LRFN5: variants seen among roughly 807,000 people sequenced by gnomAD.
LRFN5 encodes the protein leucine rich repeat and fibronectin type III domain containing 5.
Under a neutral mutation model 45.6 loss-of-function variants are expected in LRFN5, and 24 were observed. The observed-to-expected ratio is 0.53, with a 90% CI of 0.38 to 0.74. The LOEUF is 0.74. Among genes scored for constraint, LRFN5 ranks in the 30% least tolerant of loss-of-function variants. The probability of loss-of-function intolerance (pLI) is 0.00; values close to 1 mark genes in which losing one functional copy is unlikely to be tolerated. For synonymous variants in LRFN5, 340 were observed against 313.8 expected (o/e 1.08, Z -0.88); for missense variants, 776 against 861.5 (o/e 0.90, Z 1.24).
intron 2 of LRFN5, among the ~76,000 whole-genome samples, chr14:41,793,506 T>C (rs1887009190): frequency 6.6e-6 from 1 of 152,106 alleles, no homozygotes; most frequent in South Asian, 2.1e-4. Context: ...GTAATCTTTG[T>C]TGTCTCTAAT....
At chr14:41,704,091 GT>G (rs937283058) in intron 1 of LRFN5, among the ~76,000 whole-genome samples, 49 of 152,256 alleles carry the variant, frequency 3.2e-4, no homozygotes, top group African/African-American at 1.2e-3. Flanking sequence ...GGACAATAAT[GT>G]TTTTAAAAGA....
intron 2 of LRFN5, among the ~76,000 whole-genome samples, chr14:41,858,939 T>C (rs947740429): frequency 6.6e-6 from 1 of 152,196 alleles, no homozygotes; most frequent in Non-Finnish European, 1.5e-5. Flanking sequence ...AATCCTGCCC[T>C]GGAGTAATGG....
intron 1 of LRFN5, among the ~76,000 whole-genome samples, chr14:41,667,958 A>G (rs1880983913): frequency 1.3e-5 from 2 of 152,146 alleles, no homozygotes; most frequent in Admixed American, 1.3e-4. Context: ...CCTGGTGATG[A>G]AGTTACTATT....
At position 41,752,052 on chromosome 14, in the gene LRFN5, A is replaced by G. The variant is rs187638614; in HGVS notation, c.-196-14802A>G. 1.3e-3 allele frequency among the ~76,000 whole-genome samples: 197 copies of G among 152,156 alleles called. 1 individual carries two copies. The South Asian group carries it at 0.014, about 11-fold the overall frequency. On this transcript the variant is annotated intron_variant, in intron 1 of 5. Coordinates refer to ENST00000298119, the MANE Select transcript of LRFN5 (RefSeq NM_152447.5). ...TCCTTGCGACAGTTTGCTGAAAATG[A>G]TGGTTTCCAGCTTCATCCATGTCCC... is the stretch of plus-strand genomic sequence containing the variant.
chr14:41,652,460 C>G (rs1421840604), intron 1 of LRFN5, among the ~76,000 whole-genome samples: 2 of 151,996 alleles, frequency 1.3e-5, no homozygotes, highest in Non-Finnish European at 2.9e-5. Context: ...GCCTTGCCTT[C>G]AAAGCATTAA....
At chr14:41,894,864 TTC>T (rs1890889566) in intron 4 of LRFN5, 1 of 982,476 alleles carries the variant, frequency 1.0e-6, no homozygotes, top group Non-Finnish European at 1.2e-6. Context: ...TTGTTTTGCT[TTC>T]TGTCATTTAT....
chr14:41,775,342 G>A (rs957763781), intron 2 of LRFN5, among the ~76,000 whole-genome samples: 14 of 151,852 alleles, frequency 9.2e-5, no homozygotes, highest in African/African-American at 2.9e-4. Flanking sequence ...GCCCACCTCC[G>A]CCTTCCAAAG....
intron 2 of LRFN5, among the ~76,000 whole-genome samples, chr14:41,851,775 T>C (rs368018792): frequency 3.9e-5 from 6 of 151,972 alleles, no homozygotes; most frequent in African/African-American, 1.4e-4. Context: ...GGCAGTTTAT[T>C]AGTATTGCAT....
At chr14:41,633,457 A>G (rs572179445) in intron 1 of LRFN5, among the ~76,000 whole-genome samples, 1 of 152,274 alleles carries the variant, frequency 6.6e-6, no homozygotes, top group Non-Finnish European at 1.5e-5. Context: ...ATACATTTCA[A>G]TAACTTTGAA....
At chr14:41,789,429 T>C (rs919665919) in intron 2 of LRFN5, among the ~76,000 whole-genome samples, 1 of 152,018 alleles carries the variant, frequency 6.6e-6, no homozygotes, top group African/African-American at 2.4e-5. Context: ...CTGATATCGC[T>C]TGATATTCAC....
At chr14:41,866,479 A>G (rs1889844737) in intron 2 of LRFN5, among the ~76,000 whole-genome samples, 1 of 152,116 alleles carries the variant, frequency 6.6e-6, no homozygotes, top group South Asian at 2.1e-4. Context: ...ACTGGCAGAG[A>G]AGAAGTTTCA....
At chr14:41,852,438 C>T (rs1465630162) in intron 2 of LRFN5, among the ~76,000 whole-genome samples, 3 of 151,864 alleles carry the variant, frequency 2.0e-5, no homozygotes, top group Non-Finnish European at 2.9e-5. Context: ...TTCACTGGCT[C>T]GCAGGTAGTT....
intron 1 of LRFN5, among the ~76,000 whole-genome samples, chr14:41,629,767 A>G (rs899546226): frequency 5.3e-5 from 8 of 152,174 alleles, no homozygotes; most frequent in Non-Finnish European, 1.2e-4. Context: ...TAGTTCCCAT[A>G]CTGCACTCAA....
chr14:41,662,745 A>G (rs996229336), intron 1 of LRFN5, among the ~76,000 whole-genome samples: 14 of 152,024 alleles, frequency 9.2e-5, no homozygotes, highest in Non-Finnish European at 1.6e-4. Flanking sequence ...GTCTATGAAA[A>G]GATCTTCAGG....
intron 1 of LRFN5, among the ~76,000 whole-genome samples, chr14:41,758,858 C>T (rs562679773): frequency 1.9e-4 from 29 of 152,192 alleles, no homozygotes; most frequent in Middle Eastern, 3.4e-3. Context: ...AAAATATTCT[C>T]TTCTTTTTGA....
chr14:41,675,474 G>A (rs1367235872), intron 1 of LRFN5, among the ~76,000 whole-genome samples: 2 of 152,174 alleles, frequency 1.3e-5, no homozygotes, highest in Non-Finnish European at 2.9e-5. Context: ...GTGGCGGCGC[G>A]CGCCTGCAAT....
intron 1 of LRFN5, among the ~76,000 whole-genome samples, chr14:41,682,953 T>C (rs1222767131): frequency 2.0e-5 from 3 of 152,152 alleles, no homozygotes; most frequent in African/African-American, 4.8e-5. Context: ...TCCAAACTCC[T>C]TCTGTGAGGC....
chr14:41,888,071 G>A (rs1366206890), intron 3 of LRFN5, 61 bp downstream of exon 3: 1 of 1,326,958 alleles, frequency 7.5e-7, no homozygotes, highest in Non-Finnish European at 1.0e-6. Context: ...ATTTGTTAAT[G>A]TACTACTGAT....
chr14:41,654,390 T>G (rs1163070455), intron 1 of LRFN5, among the ~76,000 whole-genome samples: 1 of 152,062 alleles, frequency 6.6e-6, no homozygotes, highest in East Asian at 1.9e-4. Context: ...GTTTTTAGCA[T>G]GTACATAGTA....
Sources: allele counts gnomAD v4.1 joint callset (sites outside exome capture counted in the v4.1 genomes callset), GRCh38; gene constraint gnomAD v4.1.1; transcripts MANE v1.5; gene names NCBI Gene and HGNC (gene_info 2026-07-23, HGNC 2026-07-21).